The following NDC80 variants were observed in gnomAD, a reference collection of about 807,000 sequenced individuals.
NDC80 encodes NDC80 kinetochore complex component, also known as kinetochore protein NDC80 homolog.
Under a neutral mutation model 89.3 loss-of-function variants are expected in NDC80, and 69 were observed. That is an observed-to-expected ratio of 0.77 (90% CI 0.64 to 0.94). The LOEUF is 0.94. Among genes scored for constraint, NDC80 ranks in the 40% least tolerant of loss-of-function variants. The probability of loss-of-function intolerance (pLI) is 0.00; values close to 1 mark genes in which losing one functional copy is unlikely to be tolerated. For missense variants in NDC80, 593 were observed against 739.6 expected, an observed-to-expected ratio of 0.80 and a Z score of 2.30; for synonymous variants, 243 against 255.6, an observed-to-expected ratio of 0.95 and a Z score of 0.47.
chr18:2,609,006 A>C (rs1381634627), intron 15 of NDC80, among the ~76,000 whole-genome samples, 176 bp downstream of exon 15: 1 of 152,216 alleles, frequency 6.6e-6, no homozygotes, highest in African/African-American at 2.4e-5. Flanking sequence ...TTTCCCTATC[A>C]ACAGATACAT....
At chr18:2,599,594 C>A (rs1322895258) in intron 12 of NDC80, among the ~76,000 whole-genome samples, 2 of 152,004 alleles carry the variant, frequency 1.3e-5, no homozygotes, top group Admixed American at 6.6e-5. Context: ...AGAAAGAATT[C>A]CAGGCACAAG....
intron 16 of NDC80, among the ~76,000 whole-genome samples, chr18:2,612,951 C>T (rs1156352751): frequency 6.6e-6 from 1 of 152,190 alleles, no homozygotes; most frequent in Non-Finnish European, 1.5e-5. Flanking sequence ...AATGAGGAAA[C>T]TTTACAATGA....
At chr18:2,605,320 GTGTGTGTGTA>G (rs1228606072) in intron 13 of NDC80, among the ~76,000 whole-genome samples, 276 of 137,298 alleles carry the variant, frequency 2.0e-3, no homozygotes, top group South Asian at 4.8e-3. Context: ...GTGTGTGTGT[GTGTGTGTGTA>G]TGTACACAAT....
At chr18:2,596,666 C>A (rs1409178599) in intron 11 of NDC80, among the ~76,000 whole-genome samples, 1 of 151,596 alleles carries the variant, frequency 6.6e-6, no homozygotes, top group Non-Finnish European at 1.5e-5. Context: ...CCCAGCCATC[C>A]CATTACTGGG....
Position 2,580,731 on chromosome 18 carries a change from A to ATTTTTTTTTTTTTTT in NDC80, c.579+1717_579+1731dup, listed in dbSNP as rs71365186. 2.5e-3 allele frequency among the ~76,000 whole-genome samples: 139 copies of ATTTTTTTTTTTTTTT among 55,444 alleles called. 40 individuals carry two copies. Among genetic ancestry groups the ATTTTTTTTTTTTTTT allele is most frequent in the East Asian group, 8.3e-3 (9 of 1,090 alleles). 36.4% of individuals were successfully genotyped at this position (55,444 alleles called of 152,430 possible). A position where few individuals can be genotyped will look rare whatever the true frequency, so the allele number is the denominator to read the frequency against. ...ACTACTTTTTTGGTCTCACCATCAG[A>ATTTTTTTTTTTTTTT]TTTTTTTTTTTTTTTTTTTTTTTTT... is the stretch of plus-strand genomic sequence containing the variant. On this transcript the variant is annotated intron_variant, in intron 6 of 16. Transcript: ENST00000261597.
chr18:2,583,047 T>C (rs956038403), intron 6 of NDC80, among the ~76,000 whole-genome samples: 4 of 152,248 alleles, frequency 2.6e-5, no homozygotes, highest in Non-Finnish European at 5.9e-5. Context: ...CCCAGATCCC[T>C]CTGTGTCCTT....
chr18:2,579,548 C>G (rs1355839548), intron 6 of NDC80, among the ~76,000 whole-genome samples: 1 of 152,110 alleles, frequency 6.6e-6, no homozygotes, highest in Non-Finnish European at 1.5e-5. Context: ...CTGCCTCAGC[C>G]TCCTGAGTAG....
chr18:2,577,814 C>T lies in NDC80; in HGVS notation c.248C>T (p.Pro83Leu), dbSNP rs199533479. The T allele has an allele frequency of 4.4e-5, 71 of 1,614,028 alleles. No individual in the cohort carries two copies. In the Middle Eastern group the frequency reaches 8.3e-4, roughly 19 times the overall value. The change falls in exon 4 of 17, where the codon CCG (proline) becomes CTG (leucine). Residue 83 changes from proline to leucine, a missense_variant. Physicochemically the swap from Pro to Leu is moderately conservative, Grantham distance 98. Transcript: ENST00000261597. ...TCCAGTTCTGAGAAAATCAAGGACC[C>T]GAGACCACTTAATGACAAAGCATTC... Reference protein sequence around the residue: ...IFSSSEKIKDPRPLNDKAFIQ... With the variant: ...IFSSSEKIKDLRPLNDKAFIQ...
chr18:2,608,704 C>T lies in NDC80; in HGVS notation c.1562C>T (p.Ala521Val). The T allele has an allele frequency of 6.2e-7, 1 of 1,610,108 alleles. No homozygotes were observed. The highest frequency in any genetic ancestry group is 1.7e-5 in the Admixed American group (1 of 59,950). Residue 521 changes from alanine (A) to valine (V), a missense_variant, in exon 15 of 17, where the codon GCA (alanine) becomes GTA (valine). Physicochemically the swap from Ala to Val is moderately conservative, Grantham distance 64. Coordinates refer to ENST00000261597, the MANE Select transcript of NDC80 (RefSeq NM_006101.3). The stretch of plus-strand genomic sequence containing the variant: ...ACCGTGACTTTATCCTGATAGGAAG[C>T]AGAGGAAGAGGATGAAAAATGTGCC... ...DDLYQQKIKE[A>V]EEEDEKCASE...
intron 3 of NDC80, among the ~76,000 whole-genome samples, chr18:2,576,454 A>G (rs934766346): frequency 1.3e-5 from 2 of 152,250 alleles, no homozygotes; most frequent in Non-Finnish European, 2.9e-5. Flanking sequence ...ATCTGTTACA[A>G]TATCATACAT....
In NDC80 at chr18:2,571,588, G is replaced by A. The variant is rs2072511932; in HGVS notation, c.-105G>A. ...GAACGGCTTTGGCGGGCCGAGGAAG[G>A]ACCTGGTGTTTTGATGACCGCTGTC... On this transcript the variant is annotated 5_prime_UTR_variant, in exon 1 of 17. Coordinates refer to ENST00000261597, the MANE Select transcript of NDC80 (RefSeq NM_006101.3). 1 of 152,228 alleles carries A rather than the reference G, an allele frequency of 6.6e-6. No homozygotes were observed. Among genetic ancestry groups the A allele is most frequent in the African/African-American group, 2.4e-5 (1 of 41,462 alleles). 9.4% of individuals were successfully genotyped at this position (152,228 alleles called of 1,614,324 possible).
rs1411488543 is a variant in NDC80 at position 2,599,139 on chromosome 18, A to G, written c.1342A>G (p.Asn448Asp). The stretch of plus-strand genomic sequence containing the variant: ...TAAGTTTAATCCCGAGGCTGGTGCC[A>G]ACTGCCTTGTCAAATACAGGGCTCA... ...EIKFNPEAGA[N>D]CLVKYRAQVY... The change falls in exon 12 of 17, where the codon AAC (asparagine) becomes GAC (aspartate). Residue 448 changes from asparagine (N) to aspartate (D), a missense_variant. Asn to Asp is a conservative substitution (Grantham distance 23, BLOSUM62 1). Coordinates refer to ENST00000261597, the MANE Select transcript of NDC80 (RefSeq NM_006101.3). The G allele has an allele frequency of 1.2e-6, 2 of 1,613,080 alleles. No individual in the cohort carries two copies. The highest frequency in any genetic ancestry group is 2.2e-5 in the South Asian group (2 of 90,854).
At chr18:2,578,361 A>G (rs2143632999) in intron 5 of NDC80, among the ~76,000 whole-genome samples, 1 of 152,298 alleles carries the variant, frequency 6.6e-6, no homozygotes, top group African/African-American at 2.4e-5. Context: ...ACAAATTGTT[A>G]GTAACTGATC....
At position 2,608,505 on chromosome 18, in the gene NDC80, C is replaced by T. The variant is rs13313669; in HGVS notation, c.1558-195C>T. ...ACGGGCATGAGCCACCATGCCCAGC[C>T]GCATTTGTTTTTATAATACAGGATT... On this transcript the variant is annotated intron_variant, in intron 14 of 16. Transcript: ENST00000261597. 6.1e-3 allele frequency among the ~76,000 whole-genome samples: 935 copies of T among 152,194 alleles called. 11 individuals carry two copies. Among genetic ancestry groups the T allele is most frequent in the African/African-American group, 0.021 (885 of 41,526 alleles).
At chr18:2,604,907 T>TA (rs1469699067) in intron 13 of NDC80, among the ~76,000 whole-genome samples, 1 of 152,102 alleles carries the variant, frequency 6.6e-6, no homozygotes, top group African/African-American at 2.4e-5. Context: ...TTTTGAAGAA[T>TA]AGATGAGAGG....
At chr18:2,588,337 A>G (rs1392312703) in intron 8 of NDC80, among the ~76,000 whole-genome samples, 2 of 152,224 alleles carry the variant, frequency 1.3e-5, no homozygotes, top group Non-Finnish European at 2.9e-5. Flanking sequence ...AATTAGTCAA[A>G]AGACCTAAGG....
intron 16 of NDC80, among the ~76,000 whole-genome samples, chr18:2,612,034 T>C (rs1255720937): frequency 6.6e-6 from 1 of 152,026 alleles, no homozygotes; most frequent in African/African-American, 2.4e-5. Context: ...ATCTGAACCA[T>C]AGGACAAAAA....
intron 11 of NDC80, among the ~76,000 whole-genome samples, chr18:2,596,921 C>T (rs2072659750): frequency 6.6e-6 from 1 of 151,664 alleles, no homozygotes; most frequent in Non-Finnish European, 1.5e-5. Flanking sequence ...TAAACTATTG[C>T]AAGGACAAAA....
At chr18:2,602,693 AGACTAG>A in intron 13 of NDC80, among the ~76,000 whole-genome samples, 1 of 152,194 alleles carries the variant, frequency 6.6e-6, no homozygotes. Flanking sequence ...TGGCTACTAT[AGACTAG>A]GACCCATGTT....
Sources: gnomAD v4.1 joint callset for allele counts (sites outside exome capture counted in the v4.1 genomes callset) on GRCh38, gnomAD v4.1.1 for gene constraint, MANE v1.5 for transcripts, NCBI Gene and HGNC (gene_info 2026-07-23, HGNC 2026-07-21) for gene names.